PRIM2: variants seen among roughly 807,000 people sequenced by gnomAD.
PRIM2 encodes DNA primase large subunit.
A neutral mutation model predicts 67.3 loss-of-function variants in PRIM2; 39 were observed. That is an observed-to-expected ratio of 0.58 (90% confidence interval 0.45 to 0.76). The LOEUF is 0.76. Ranked by LOEUF, PRIM2 falls within the 30% of genes least tolerant of loss-of-function variation. The pLI, the probability that PRIM2 is intolerant of heterozygous loss-of-function variation, is 0.00. For missense variants in PRIM2, 398 were observed against 598.7 expected, an observed-to-expected ratio of 0.66 and a Z score of 3.50; for synonymous variants, 143 against 198.7, an observed-to-expected ratio of 0.72 and a Z score of 2.36.
At chr6:57,415,368 C>T (rs531203326) in intron 7 of PRIM2, among the ~76,000 whole-genome samples, 1 of 152,214 alleles carries the variant, frequency 6.6e-6, no homozygotes, top group African/African-American at 2.4e-5. Flanking sequence ...ATTTTTGTTT[C>T]CCAGTGCATG....
At chr6:57,526,201 A>T (rs1774748999) in intron 8 of PRIM2, among the ~76,000 whole-genome samples, 1 of 152,212 alleles carries the variant, frequency 6.6e-6, no homozygotes. Context: ...GTCTTCAGAT[A>T]GATTTCTAAT....
chr6:57,547,760 G>A (rs1296388081), intron 10 of PRIM2, among the ~76,000 whole-genome samples: 14 of 152,264 alleles, frequency 9.2e-5, no homozygotes, highest in African/African-American at 3.4e-4. Context: ...TCTATTATAT[G>A]TTGTTATAAT....
chr6:57,338,626 C>A (rs1768357243), intron 5 of PRIM2, among the ~76,000 whole-genome samples: 1 of 150,570 alleles, frequency 6.6e-6, no homozygotes, highest in South Asian at 2.1e-4. Context: ...TCAATAGATG[C>A]AGAAAAGGCC....
rs896870783 is a variant in PRIM2, at chr6:57,325,498, T to C, written c.339-427T>C. Reference sequence around the variant, plus strand: ...TTGTAGATATGGGGTTTTACCAACTTGCCCAGGCTGGTCTCAAACTTCTGG... The same window carrying C: ...TTGTAGATATGGGGTTTTACCAACTCGCCCAGGCTGGTCTCAAACTTCTGG... On this transcript the variant is annotated intron_variant, in intron 4 of 13. Coordinates refer to ENST00000615550, the MANE Select transcript of PRIM2 (RefSeq NM_000947.5). 5.9e-5 allele frequency among the ~76,000 whole-genome samples: 9 copies of C among 152,258 alleles called. 1 individual carries two copies. The highest frequency in any genetic ancestry group is 5.2e-4 in the Admixed American group (8 of 15,298).
At chr6:57,272,795 T>C in the PRIM2 span, among the ~76,000 whole-genome samples, 8 of 152,236 alleles carry the variant, frequency 5.3e-5, no homozygotes, top group Non-Finnish European at 2.9e-5. Flanking sequence ...TAGTGCTTCC[T>C]TCAGGAGCTC....
chr6:57,257,034 T>C, the PRIM2 span, among the ~76,000 whole-genome samples: 2 of 152,170 alleles, frequency 1.3e-5, no homozygotes, highest in Non-Finnish European at 2.9e-5. Flanking sequence ...AGATATCACA[T>C]AGGTATTTTT....
At chr6:57,341,841 G>A (rs1212782274) in intron 5 of PRIM2, among the ~76,000 whole-genome samples, 3 of 152,166 alleles carry the variant, frequency 2.0e-5, no homozygotes, top group Non-Finnish European at 2.9e-5. Flanking sequence ...CAGGGAGTGG[G>A]CAGCCACGGG....
At chr6:57,309,897 TCCAAAACA>T (rs565105079), upstream of PRIM2, among the ~76,000 whole-genome samples, 919 of 152,222 alleles carry the variant, frequency 6.0e-3, 15 homozygotes, top group African/African-American at 0.019. Context: ...GGACTTCACG[TCCAAAACA>T]CCAAAAGCAA....
chr6:57,644,031 T>C (rs1249459841), intron 13 of PRIM2, among the ~76,000 whole-genome samples: 1 of 152,192 alleles, frequency 6.6e-6, no homozygotes, highest in African/African-American at 2.4e-5. Flanking sequence ...TTCATTTTAA[T>C]CTACTAAAAG....
chr6:57,615,150 G>A (rs1776732161), intron 12 of PRIM2, among the ~76,000 whole-genome samples: 1 of 152,126 alleles, frequency 6.6e-6, no homozygotes, highest in Admixed American at 6.5e-5. Flanking sequence ...TGGGTGCGGT[G>A]GCTCATGCCT....
chr6:57,429,812 A>G (rs1351423987), intron 7 of PRIM2, among the ~76,000 whole-genome samples: 16 of 152,326 alleles, frequency 1.1e-4, no homozygotes, highest in African/African-American at 2.9e-4. Flanking sequence ...TTGGGCTGCT[A>G]TAACAAAAAT....
intron 7 of PRIM2, among the ~76,000 whole-genome samples, chr6:57,486,810 G>A (rs2127407707): frequency 6.6e-6 from 1 of 152,288 alleles, no homozygotes; most frequent in African/African-American, 2.4e-5. Flanking sequence ...ATGGATGTCT[G>A]GGGAAAATGG....
chr6:57,606,933 T>C (rs1776573696), intron 12 of PRIM2, among the ~76,000 whole-genome samples: 1 of 152,230 alleles, frequency 6.6e-6, no homozygotes, highest in Non-Finnish European at 1.5e-5. Flanking sequence ...GTAGATCAAA[T>C]AGTTTGTCAA....
At chr6:57,272,666 A>T in the PRIM2 span, among the ~76,000 whole-genome samples, 7 of 152,296 alleles carry the variant, frequency 4.6e-5, no homozygotes, top group East Asian at 1.2e-3. Flanking sequence ...TGATCCTGTC[A>T]TTATGATGTT....
chr6:57,246,346 C>T, the PRIM2 span, among the ~76,000 whole-genome samples: 1 of 152,226 alleles, frequency 6.6e-6, no homozygotes, highest in African/African-American at 2.4e-5. Context: ...AGAAAGAATA[C>T]TATTCTACCT....
intron 7 of PRIM2, among the ~76,000 whole-genome samples, chr6:57,394,407 T>C (rs1256131533): frequency 6.6e-6 from 1 of 152,166 alleles, no homozygotes; most frequent in Non-Finnish European, 1.5e-5. Context: ...TTAAGTATTT[T>C]ATTTTATTTT....
At chr6:57,268,607 TC>T in the PRIM2 span, among the ~76,000 whole-genome samples, 1 of 151,970 alleles carries the variant, frequency 6.6e-6, no homozygotes, top group African/African-American at 2.4e-5. Flanking sequence ...TATGGCAATT[TC>T]CCCCCACATT....
the PRIM2 span, among the ~76,000 whole-genome samples, chr6:57,283,180 T>G: frequency 1.3e-5 from 2 of 152,210 alleles, no homozygotes; most frequent in Non-Finnish European, 2.9e-5. Context: ...CCACATGCTT[T>G]CTGAGTGCCA....
chr6:57,587,610 G>T (rs1776214190), intron 10 of PRIM2, among the ~76,000 whole-genome samples: 1 of 129,466 alleles, frequency 7.7e-6, no homozygotes, highest in Non-Finnish European at 1.5e-5. Flanking sequence ...CTTTCAGTGA[G>T]CTGAGATCAA....
Sources: gnomAD v4.1 joint callset for allele counts (sites outside exome capture counted in the v4.1 genomes callset) on GRCh38, gnomAD v4.1.1 for gene constraint, MANE v1.5 for transcripts, NCBI Gene and HGNC (gene_info 2026-07-23, HGNC 2026-07-21) for gene names.